The following TMEM135 variants were observed in gnomAD, a reference collection of about 807,000 sequenced individuals.
TMEM135 encodes the protein transmembrane protein 135.
In TMEM135, 30 loss-of-function variants were observed where a neutral mutation model predicts 60.3. The observed-to-expected ratio is 0.50, with a 90% confidence interval of 0.37 to 0.68. The LOEUF (loss-of-function observed/expected upper bound fraction) is 0.68. Among genes scored for constraint, TMEM135 ranks in the 30% least tolerant of loss-of-function variants. The probability of loss-of-function intolerance (pLI) is 0.00; values close to 1 mark genes in which losing one functional copy is unlikely to be tolerated. For missense variants in TMEM135, 468 were observed against 548.8 expected, an observed-to-expected ratio of 0.85 and a Z score of 1.47; for synonymous variants, 190 against 186.7, an observed-to-expected ratio of 1.02 and a Z score of -0.14.
chr11:87,234,941 G>A (rs1253133777), intron 5 of TMEM135, among the ~76,000 whole-genome samples: 1 of 151,898 alleles, frequency 6.6e-6, no homozygotes, highest in East Asian at 1.9e-4. Context: ...TGAAAGATTT[G>A]TGGGATACTT....
At chr11:87,102,728 G>A (rs201169485) in intron 4 of TMEM135, among the ~76,000 whole-genome samples, 48,706 of 145,238 alleles carry the variant, frequency 0.34, 9,579 homozygotes, top group African/African-American at 0.55. Context: ...ATATATATAT[G>A]TATATATATA....
At chr11:87,271,277 G>T (rs890747917) in intron 6 of TMEM135, among the ~76,000 whole-genome samples, 4 of 152,130 alleles carry the variant, frequency 2.6e-5, no homozygotes, top group Non-Finnish European at 4.4e-5. Context: ...CTACAGTATG[G>T]TCACATTAAT....
At chr11:87,067,904 G>T (rs1370651695) in intron 2 of TMEM135, 83 bp downstream of exon 2, 10 of 1,539,320 alleles carry the variant, frequency 6.5e-6, no homozygotes, top group Non-Finnish European at 8.9e-6. Flanking sequence ...TAAATGTTAT[G>T]TGGGTTACTA....
chr11:87,250,994 A>G (rs942151088), intron 6 of TMEM135, among the ~76,000 whole-genome samples: 1 of 152,150 alleles, frequency 6.6e-6, no homozygotes, highest in Non-Finnish European at 1.5e-5. Flanking sequence ...TATCTGAGAT[A>G]TGAGGATTGC....
chr11:87,098,139 CA>C (rs780924861), intron 4 of TMEM135, among the ~76,000 whole-genome samples: 7 of 104,116 alleles, frequency 6.7e-5, no homozygotes, highest in East Asian at 7.1e-4. Flanking sequence ...CTGGAGGTTG[CA>C]AATTTTTTTT....
At chr11:87,295,883 C>A in intron 7 of TMEM135, 60 bp downstream of exon 7, 1 of 1,356,788 alleles carries the variant, frequency 7.4e-7, no homozygotes, top group Non-Finnish European at 1.0e-6. Context: ...AAAAATTATA[C>A]ATAATTACAA....
chr11:87,085,523 G>A (rs552107286), intron 3 of TMEM135, among the ~76,000 whole-genome samples: 5 of 152,286 alleles, frequency 3.3e-5, no homozygotes, highest in Admixed American at 2.0e-4. Context: ...TTGGGAGGCC[G>A]AGGAGGGCAG....
chr11:87,225,202 C>T (rs1025554151), intron 5 of TMEM135, among the ~76,000 whole-genome samples: 3 of 151,976 alleles, frequency 2.0e-5, no homozygotes, highest in Admixed American at 6.5e-5. Flanking sequence ...GAGAGAAATC[C>T]ATGACAGCTC....
At chr11:87,274,000 G>T (rs1941920654) in intron 6 of TMEM135, among the ~76,000 whole-genome samples, 1 of 128,360 alleles carries the variant, frequency 7.8e-6, no homozygotes, top group Admixed American at 7.6e-5. Flanking sequence ...AATGAAACTT[G>T]AGTGTTTTTA....
chr11:87,122,581 C>T (rs1302827921), intron 4 of TMEM135, among the ~76,000 whole-genome samples: 1 of 151,884 alleles, frequency 6.6e-6, no homozygotes, highest in African/African-American at 2.4e-5. Context: ...CTGCCTCAGC[C>T]TCCCAAGTAG....
chr11:87,250,594 A>G (rs1469951886), intron 6 of TMEM135, among the ~76,000 whole-genome samples: 1 of 151,876 alleles, frequency 6.6e-6, no homozygotes, highest in Non-Finnish European at 1.5e-5. Context: ...TTCCTTTGTT[A>G]TTGACTTCTA....
At chr11:87,095,308 C>A in intron 4 of TMEM135, 2 of 200,828 alleles carry the variant, frequency 1.0e-5, no homozygotes, top group South Asian at 1.0e-4. Flanking sequence ...AAAGTGTTGC[C>A]TATGTTCTTC....
intron 4 of TMEM135, among the ~76,000 whole-genome samples, chr11:87,091,869 T>C (rs766392714): frequency 6.6e-6 from 1 of 151,912 alleles, no homozygotes; most frequent in Non-Finnish European, 1.5e-5. Flanking sequence ...GCTTCCAAAT[T>C]TTTAAGTTTA....
intron 1 of TMEM135, among the ~76,000 whole-genome samples, chr11:87,063,801 A>G (rs1358206219): frequency 6.6e-6 from 1 of 152,222 alleles, no homozygotes. Flanking sequence ...TTCTCACAAT[A>G]GACTGTACAG....
At position 87,258,881 on chromosome 11, in the gene TMEM135, C is replaced by T. The variant is rs754762828; in HGVS notation, c.509+22197C>T. The T allele has an allele frequency of 7.5e-5, 71 of 947,396 alleles. 1 individual carries two copies. Among genetic ancestry groups the T allele is most frequent in the Non-Finnish European group, 1.1e-4 (62 of 584,462 alleles). The allele number at this position is 947,396 out of a possible 1,614,324, so 58.7% of individuals were successfully genotyped here. ...TTTCCAGGAAGTGAAGGAAGAGCCC[C>T]TTGCATTCTTCCTGAGAGCCCTGTG... On this transcript the variant is annotated intron_variant, in intron 6 of 14. Coordinates refer to ENST00000305494, the MANE Select transcript of TMEM135 (RefSeq NM_022918.4).
In TMEM135 at chr11:87,323,753, A is replaced by G. The variant is rs1326607425; in HGVS notation, c.*2420A>G. On this transcript the variant is annotated 3_prime_UTR_variant, in exon 15 of 15. Transcript: ENST00000305494. ...CAACCGAGTAAAGATTGAGTTTGCA[A>G]GATAACAGATTGTCTCAAATCTATT... is the stretch of plus-strand genomic sequence containing the variant. 2 of 453,762 alleles carry G rather than the reference A, an allele frequency of 4.4e-6. No homozygotes were observed. The highest frequency in any genetic ancestry group is 1.6e-5 in the South Asian group (1 of 64,360). 28.1% of individuals were successfully genotyped at this position (453,762 alleles called of 1,614,324 possible).
chr11:87,038,265 GC>G, intron 1 of TMEM135, 79 bp downstream of exon 1: 1 of 1,588,350 alleles, frequency 6.3e-7, no homozygotes, highest in South Asian at 1.1e-5. Flanking sequence ...CTCCCGAGGG[GC>G]TCTGGGGGAC....
intron 6 of TMEM135, among the ~76,000 whole-genome samples, chr11:87,242,297 T>A (rs1306176904): frequency 2.0e-5 from 3 of 151,984 alleles, no homozygotes; most frequent in Non-Finnish European, 4.4e-5. Context: ...TTGTGAATAG[T>A]GCCGCAATAA....
chr11:87,070,859 A>G (rs1267416629), intron 2 of TMEM135, among the ~76,000 whole-genome samples: 1 of 152,248 alleles, frequency 6.6e-6, no homozygotes, highest in Non-Finnish European at 1.5e-5. Flanking sequence ...AAGGGAAAAC[A>G]TTTATTGAAT....
Sources: allele counts gnomAD v4.1 joint callset (sites outside exome capture counted in the v4.1 genomes callset), GRCh38; gene constraint gnomAD v4.1.1; transcripts MANE v1.5; gene names NCBI Gene and HGNC (gene_info 2026-07-23, HGNC 2026-07-21).